Variants in NTM observed in about 807,000 individuals in gnomAD.
The protein encoded by NTM is IgLON family member 2.
In NTM, 13 loss-of-function variants were observed where a neutral mutation model predicts 42.1. The observed-to-expected ratio is 0.31, with a 90% CI of 0.20 to 0.49. The LOEUF (loss-of-function observed/expected upper bound fraction) is 0.49, where lower values mean the gene tolerates loss of function less well. Among genes scored for constraint, NTM ranks in the 20% least tolerant of loss-of-function variants. The pLI, the probability that NTM is intolerant of heterozygous loss-of-function variation, is 0.99. For missense variants in NTM, 373 were observed against 452.8 expected, an observed-to-expected ratio of 0.82 and a Z score of 1.60; for synonymous variants, 187 against 179.2, an observed-to-expected ratio of 1.04 and a Z score of -0.35.
Position 132,307,787 on chromosome 11 carries a change from G to A in NTM, c.625G>A (p.Ala209Thr), listed in dbSNP as rs534930449. The A allele has an allele frequency of 7.5e-5, 121 of 1,614,176 alleles. No individual in the cohort carries two copies. In the Admixed American group the frequency reaches 8.2e-4, roughly 11 times the overall value. Residue 209 changes from alanine to threonine, a missense_variant, in exon 5 of 9, where the codon GCG becomes ACG. Ala to Thr is a moderately conservative substitution (Grantham distance 58). This residue lies in a region of NTM where 312 missense variants were observed against 353.5 expected (regional missense o/e 0.88). Coordinates refer to ENST00000683400, the MANE Select transcript of NTM (RefSeq NM_001352005.2). ...YECSASNDVA[A>T]PVVRRVKVTV... ...GTGCAGTGCCTCCAATGACGTGGCC[G>A]CGCCCGTGGTACGGAGAGTAAAGGT...
chr11:131,813,408 T>C (rs1245703720), intron 1 of NTM, among the ~76,000 whole-genome samples: 1 of 152,122 alleles, frequency 6.6e-6, no homozygotes, highest in South Asian at 2.1e-4. Context: ...CATAAGCTAA[T>C]GAGGAAGACA....
chr11:131,502,764 G>A (rs2046995568), intron 1 of NTM: 1 of 152,134 alleles, frequency 6.6e-6, no homozygotes, highest in Admixed American at 6.5e-5. Flanking sequence ...TTGACAGATA[G>A]ATGTATCCTT....
At chr11:132,187,114 C>A (rs2078534256) in intron 3 of NTM, among the ~76,000 whole-genome samples, 1 of 152,164 alleles carries the variant, frequency 6.6e-6, no homozygotes, top group Non-Finnish European at 1.5e-5. Context: ...TTTCTAATCT[C>A]ACTGTTCAAT....
chr11:132,141,442 A>G (rs1293200086), intron 2 of NTM, among the ~76,000 whole-genome samples: 2 of 152,216 alleles, frequency 1.3e-5, no homozygotes, highest in Non-Finnish European at 2.9e-5. Flanking sequence ...TAAAACAACT[A>G]TTCATCAGAG....
intron 1 of NTM, among the ~76,000 whole-genome samples, chr11:131,568,622 C>G (rs1439708313): frequency 6.6e-6 from 1 of 152,192 alleles, no homozygotes; most frequent in Admixed American, 6.5e-5. Context: ...TCTTTCAACA[C>G]CACCACTGAG....
intron 1 of NTM, among the ~76,000 whole-genome samples, chr11:131,525,278 C>T (rs561927103): frequency 6.6e-6 from 1 of 152,156 alleles, no homozygotes; most frequent in Non-Finnish European, 1.5e-5. Flanking sequence ...GGTGCTGACC[C>T]CGGTGCCCAT....
At chr11:131,479,962 G>T (rs1162309387) in intron 1 of NTM, among the ~76,000 whole-genome samples, 1 of 151,914 alleles carries the variant, frequency 6.6e-6, no homozygotes, top group Non-Finnish European at 1.5e-5. Context: ...ATAGAGGCAG[G>T]ATCAGTATTA....
chr11:132,017,159 T>C (rs1370732669), intron 2 of NTM, among the ~76,000 whole-genome samples: 2 of 151,978 alleles, frequency 1.3e-5, no homozygotes, highest in Admixed American at 1.3e-4. Flanking sequence ...AAAGTCAGTT[T>C]ATCACTTTTT....
At chr11:132,035,155 T>A (rs1263832911) in intron 2 of NTM, among the ~76,000 whole-genome samples, 1 of 152,232 alleles carries the variant, frequency 6.6e-6, no homozygotes, top group Non-Finnish European at 1.5e-5. Context: ...ATTCAGGCTC[T>A]CCTAGATGTT....
At chr11:131,538,890 G>A (rs970963802) in intron 1 of NTM, among the ~76,000 whole-genome samples, 3 of 141,070 alleles carry the variant, frequency 2.1e-5, no homozygotes, top group Non-Finnish European at 4.6e-5. Context: ...ATAAAAATAA[G>A]TATGTGAAGG....
intron 3 of NTM, among the ~76,000 whole-genome samples, chr11:132,173,179 T>C (rs988835575): frequency 2.6e-5 from 4 of 152,238 alleles, no homozygotes; most frequent in Admixed American, 6.5e-5. Flanking sequence ...TGAGACAACA[T>C]GTAATAATAC....
chr11:132,331,198 G>A (rs2095795611), intron 8 of NTM, among the ~76,000 whole-genome samples: 1 of 152,210 alleles, frequency 6.6e-6, no homozygotes, highest in African/African-American at 2.4e-5. Context: ...AGAGACTTGG[G>A]AAAGTCACTT....
chr11:131,795,549 A>C, intron 1 of NTM: 1 of 985,410 alleles, frequency 1.0e-6, no homozygotes, highest in Non-Finnish European at 1.2e-6. Context: ...CTCTGTCAGG[A>C]TACAGCATGA....
chr11:132,247,684 G>A (rs931000946), intron 4 of NTM, among the ~76,000 whole-genome samples: 5 of 152,108 alleles, frequency 3.3e-5, no homozygotes, highest in African/African-American at 1.2e-4. Context: ...TCCTGGATTC[G>A]GGGATAAGAA....
intron 1 of NTM, among the ~76,000 whole-genome samples, chr11:131,484,803 A>G (rs558237811): frequency 2.6e-5 from 4 of 152,274 alleles, no homozygotes; most frequent in East Asian, 1.9e-4. Flanking sequence ...AGCATCTTCT[A>G]TGTTGCAGAC....
intron 1 of NTM, among the ~76,000 whole-genome samples, chr11:131,371,894 G>T (rs910125287): frequency 6.6e-6 from 1 of 152,214 alleles, no homozygotes; most frequent in Non-Finnish European, 1.5e-5. Context: ...GCAGGGCTCC[G>T]GGAGGAGGAG....
intron 1 of NTM, among the ~76,000 whole-genome samples, chr11:131,896,751 T>C (rs574031096): frequency 1.3e-4 from 19 of 147,162 alleles, no homozygotes; most frequent in Non-Finnish European, 2.5e-4. Flanking sequence ...TGCGGTGGTG[T>C]GATCTCAGCT....
chr11:131,675,490 C>A (rs2071218294), intron 1 of NTM, among the ~76,000 whole-genome samples: 1 of 152,146 alleles, frequency 6.6e-6, no homozygotes, highest in Admixed American at 6.5e-5. Context: ...CTACTATGAG[C>A]AAGAGAATTT....
At chr11:131,404,847 C>T (rs1035516909) in intron 1 of NTM, among the ~76,000 whole-genome samples, 1 of 152,114 alleles carries the variant, frequency 6.6e-6, no homozygotes, top group African/African-American at 2.4e-5. Context: ...AAAATTCCTT[C>T]AAAAATGATT....
Sources: allele counts gnomAD v4.1 joint callset (sites outside exome capture counted in the v4.1 genomes callset), GRCh38; gene constraint gnomAD v4.1.1; regional missense constraint gnomAD v4.1.1; transcripts MANE v1.5; gene names NCBI Gene and HGNC (gene_info 2026-07-23, HGNC 2026-07-21).